Variants in PRKACB observed in about 807,000 individuals in gnomAD.
PRKACB encodes cAMP-dependent protein kinase catalytic subunit beta.
Under a neutral mutation model 51.4 loss-of-function variants are expected in PRKACB, and 16 were observed. The observed-to-expected ratio is 0.31, with a 90% CI of 0.21 to 0.47. PRKACB has a LOEUF of 0.47. Among genes scored for constraint, PRKACB ranks in the 20% least tolerant of loss-of-function variants. The pLI, the probability that PRKACB is intolerant of heterozygous loss-of-function variation, is 1.00. For synonymous variants in PRKACB, 147 were observed against 154.4 expected, an observed-to-expected ratio of 0.95 and a Z score of 0.35; for missense variants, 309 against 464.5, an observed-to-expected ratio of 0.67 and a Z score of 3.08.
At chr1:84,162,674 G>T (rs915705522) in intron 1 of PRKACB, among the ~76,000 whole-genome samples, 2 of 151,730 alleles carry the variant, frequency 1.3e-5, no homozygotes, top group African/African-American at 2.4e-5. Flanking sequence ...TCTATATGTT[G>T]TTCATTACTG....
intron 5 of PRKACB, among the ~76,000 whole-genome samples, chr1:84,191,754 A>T (rs187063727): frequency 6.6e-6 from 1 of 152,164 alleles, no homozygotes; most frequent in African/African-American, 2.4e-5. Context: ...GATGATAGGA[A>T]CATTCATACC....
chr1:84,121,840 T>A (rs987664867), intron 1 of PRKACB, among the ~76,000 whole-genome samples: 7 of 152,078 alleles, frequency 4.6e-5, no homozygotes, highest in African/African-American at 1.7e-4. Context: ...TATGATTCCC[T>A]TGCACACACT....
At chr1:84,161,230 A>G (rs1221934351) in intron 1 of PRKACB, among the ~76,000 whole-genome samples, 1 of 151,782 alleles carries the variant, frequency 6.6e-6, no homozygotes, top group Non-Finnish European at 1.5e-5. Flanking sequence ...CTTTTGTCTC[A>G]TAATTTTTCT....
At position 84,125,341 on chromosome 1, in the gene PRKACB, A is replaced by T. The variant is rs532545929; in HGVS notation, c.46+46970A>T. Among the ~76,000 whole-genome samples, 17 of 152,282 alleles carry T rather than the reference A, an allele frequency of 1.1e-4. 1 individual carries two copies. In the South Asian group the frequency reaches 2.5e-3, roughly 22 times the overall value. ...ATTCTCACACGTGAAATTTCATGAC[A>T]TGTTGCCATGGCTCTCTTCTGCTCC... is the stretch of plus-strand genomic sequence containing the variant. On this transcript the variant is annotated intron_variant, in intron 1 of 8. Coordinates refer to the PRKACB transcript ENST00000370688.
At chr1:84,211,472 A>G (rs1404406893) in intron 8 of PRKACB, among the ~76,000 whole-genome samples, 1 of 152,322 alleles carries the variant, frequency 6.6e-6, no homozygotes, top group East Asian at 1.9e-4. Context: ...TGTTATTTTT[A>G]AAGTAGACAG....
intron 1 of PRKACB, among the ~76,000 whole-genome samples, chr1:84,133,874 G>A (rs951112365): frequency 5.9e-5 from 7 of 119,480 alleles, no homozygotes; most frequent in Non-Finnish European, 1.1e-4. Flanking sequence ...ACAGTTCAGT[G>A]GACCCTTTGC....
intron 9 of PRKACB, among the ~76,000 whole-genome samples, chr1:84,219,756 G>T (rs1037615047): frequency 1.3e-5 from 2 of 151,324 alleles, no homozygotes; most frequent in African/African-American, 4.9e-5. Context: ...AATCACTTAG[G>T]TGTAATATGT....
chr1:84,144,855 T>G (rs1273915553), intron 1 of PRKACB, among the ~76,000 whole-genome samples: 1 of 152,146 alleles, frequency 6.6e-6, no homozygotes, highest in African/African-American at 2.4e-5. Context: ...ATGAAATACT[T>G]AAGTTTCAGA....
chr1:84,228,049 G>A (rs1674934056), intron 9 of PRKACB, among the ~76,000 whole-genome samples: 1 of 152,106 alleles, frequency 6.6e-6, no homozygotes, highest in Admixed American at 6.6e-5. Context: ...TGTCTGCTTA[G>A]CTCATTCTTC....
At chr1:84,129,173 T>C (rs1014869671) in intron 1 of PRKACB, among the ~76,000 whole-genome samples, 1 of 152,176 alleles carries the variant, frequency 6.6e-6, no homozygotes, top group Admixed American at 6.5e-5. Flanking sequence ...AATAGTAAGA[T>C]CATTGTTTTT....
At chr1:84,185,905 T>C (rs933292207) in intron 5 of PRKACB, among the ~76,000 whole-genome samples, 1 of 152,176 alleles carries the variant, frequency 6.6e-6, no homozygotes, top group Non-Finnish European at 1.5e-5. Flanking sequence ...AATTCAACAT[T>C]TTATTGAGGA....
At chr1:84,214,046 T>C in intron 8 of PRKACB, 107 bp from the exon 9 acceptor site, 1 of 1,174,698 alleles carries the variant, frequency 8.5e-7, no homozygotes, top group Admixed American at 3.2e-5. Flanking sequence ...CTCCATATTT[T>C]TGTTTATATA....
chr1:84,199,219 G>A (rs191981942), intron 7 of PRKACB, among the ~76,000 whole-genome samples: 49 of 151,472 alleles, frequency 3.2e-4, no homozygotes, highest in African/African-American at 1.2e-3. Context: ...CTCATGTCAT[G>A]GGGGTTTGTT....
intron 5 of PRKACB, among the ~76,000 whole-genome samples, chr1:84,191,637 T>C (rs966426381): frequency 6.6e-5 from 10 of 151,966 alleles, no homozygotes; most frequent in Non-Finnish European, 1.0e-4. Context: ...TGAGTGTACG[T>C]GGACATAAAG....
chr1:84,078,827 T>C (rs537740331), intron 1 of PRKACB, among the ~76,000 whole-genome samples: 2 of 152,306 alleles, frequency 1.3e-5, no homozygotes, highest in African/African-American at 4.8e-5. Context: ...GGGCTGCTAG[T>C]CTGGCTCTAC....
At chr1:84,186,123 A>G (rs1665021675) in intron 5 of PRKACB, among the ~76,000 whole-genome samples, 1 of 152,148 alleles carries the variant, frequency 6.6e-6, no homozygotes, top group South Asian at 2.1e-4. Flanking sequence ...TAAGAGTCGC[A>G]GTAGGTTGTC....
In PRKACB at chr1:84,182,999, G is replaced by C. The variant is rs555978394; in HGVS notation, c.378+671G>C. ...AGTCAGAAAGTTAGTTAAATAAAAG[G>C]CCTAGATTAAAACACAAATCTGACT... On this transcript the variant is annotated intron_variant, in intron 3 of 9. Transcript: ENST00000370685. 2.9e-4 allele frequency among the ~76,000 whole-genome samples: 44 copies of C among 152,038 alleles called. No homozygotes were observed. The South Asian group carries it at 8.9e-3, about 31-fold the overall frequency.
intron 8 of PRKACB, chr1:84,205,145 G>A: frequency 1.0e-6 from 1 of 981,850 alleles, no homozygotes; most frequent in Non-Finnish European, 1.2e-6. Flanking sequence ...CTCTCCCCAT[G>A]TGGGATATAA....
chr1:84,146,315 T>C (rs6576963), intron 1 of PRKACB, among the ~76,000 whole-genome samples: 75,506 of 151,540 alleles, frequency 0.5, 19,303 homozygotes, highest in Non-Finnish European at 0.56. Context: ...TTTATATCCC[T>C]GAATACCATA....
Sources: gnomAD v4.1 joint callset for allele counts (sites outside exome capture counted in the v4.1 genomes callset) on GRCh38, gnomAD v4.1.1 for gene constraint, MANE v1.5 for transcripts, NCBI Gene and HGNC (gene_info 2026-07-23, HGNC 2026-07-21) for gene names.